CHEK1: variants seen among roughly 807,000 people sequenced by gnomAD.
The protein encoded by CHEK1 is checkpoint kinase 1.
A neutral mutation model predicts 60.2 loss-of-function variants in CHEK1; 32 were observed. That is an observed-to-expected ratio of 0.53 (90% CI 0.40 to 0.71). CHEK1 has a LOEUF of 0.71. Among genes scored for constraint, CHEK1 ranks in the 30% least tolerant of loss-of-function variants. The pLI is 0.00. For missense variants in CHEK1, 399 were observed against 564.6 expected, an observed-to-expected ratio of 0.71 and a Z score of 2.97; for synonymous variants, 179 against 187.2, an observed-to-expected ratio of 0.96 and a Z score of 0.36.
At chr11:125,640,154 G>A (rs1315192942) in intron 8 of CHEK1, among the ~76,000 whole-genome samples, 1 of 152,088 alleles carries the variant, frequency 6.6e-6, no homozygotes, top group Non-Finnish European at 1.5e-5. Flanking sequence ...GTGATTTTTG[G>A]AACGTGTTGC....
chr11:125,666,092 GTTGT>G (rs371046488), intron 13 of CHEK1, among the ~76,000 whole-genome samples: 17 of 149,374 alleles, frequency 1.1e-4, no homozygotes, highest in African/African-American at 3.9e-4. Flanking sequence ...GCATTTTTAG[GTTGT>G]TTATTTTTTT....
At chr11:125,626,687 G>A (rs1300072345) in intron 1 of CHEK1, 62 bp from the exon 2 acceptor site, 14 of 1,469,028 alleles carry the variant, frequency 9.5e-6, no homozygotes, top group African/African-American at 4.2e-5. Context: ...GAGAGGCGGG[G>A]CTCAGTGGCT....
intron 7 of CHEK1, chr11:125,636,025 G>A (rs1437292693): frequency 6.6e-6 from 1 of 152,126 alleles, no homozygotes; most frequent in African/African-American, 2.4e-5. Context: ...AGCACTGTAA[G>A]GAATTGTAAC....
At position 125,629,459 on chromosome 11, in the gene CHEK1, G is replaced by A. The variant is rs777701208; in HGVS notation, c.423G>A (p.Arg141=). 39 of 1,606,008 alleles carry A rather than the reference G, an allele frequency of 2.4e-5. No homozygotes were observed. The highest frequency in any genetic ancestry group is 3.2e-5 in the Non-Finnish European group (38 of 1,173,728). ...CAGAAAATCTTCTGTTGGATGAAAG[G>A]GGTAAGTTTAGCATTTTATCACTAC... ...IKPENLLLDE[R]DNLKISDFGL... is the part of the protein sequence containing the mutation. The change falls in exon 5 of 13, where the codon AGG becomes AGA. Residue 141 remains arginine (R), a splice_region_variant and synonymous_variant. Transcript: ENST00000438015.
In CHEK1 at chr11:125,626,821, G is replaced by A. The variant is rs1395953036; in HGVS notation, c.53G>A (p.Gly18Asp). The change falls in exon 2 of 13, where the codon GGT becomes GAT. Residue 18 changes from glycine (G) to aspartate (D), a missense_variant. Transcript: ENST00000438015. Reference protein sequence around the residue: ...DWDLVQTLGEGAYGEVQLAVN... With the variant: ...DWDLVQTLGEDAYGEVQLAVN... ...GACTTGGTGCAAACCCTGGGAGAAG[G>A]TGCCTATGGAGAGTGAGTTCTTTTA... 6.2e-7 allele frequency: 1 copy of A among 1,614,052 alleles called. No homozygotes were observed. Among genetic ancestry groups the A allele is most frequent in the African/African-American group, 1.3e-5 (1 of 74,908 alleles).
rs1321991357 is a variant in CHEK1 at position 125,656,922 on chromosome 11, C to G, written c.*1602C>G. The G allele has an allele frequency of 4.9e-6, 1 of 204,646 alleles. No individual in the cohort carries two copies. 12.7% of individuals were successfully genotyped at this position (204,646 alleles called of 1,614,324 possible). On this transcript the variant is annotated 3_prime_UTR_variant, in exon 13 of 13. Coordinates refer to ENST00000438015, the MANE Select transcript of CHEK1 (RefSeq NM_001114122.3). ...TAGCTCTGACATTTATTTATCTGAA[C>G]ACTGGTAATTGCCTCAGTAAAGACA...
rs1473470164 is a variant in CHEK1, at chr11:125,672,791, G to T, written c.*28-3137G>T. The T allele has an allele frequency of 3.2e-6, 5 of 1,573,596 alleles. No individual in the cohort carries two copies. The Admixed American group carries it at 7.0e-5, about 22-fold the overall frequency. The stretch of plus-strand genomic sequence containing the variant: ...CCTTAGCCTTTATCTGTGATGCTCA[G>T]TGTCTCCATGCAGGATGGTCAAGAC... On this transcript the variant is annotated intron_variant, in intron 13 of 13. Transcript: ENST00000428830.
At chr11:125,680,294 G>A (rs1220824447), downstream of CHEK1, among the ~76,000 whole-genome samples, 4 of 152,188 alleles carry the variant, frequency 2.6e-5, no homozygotes, top group Non-Finnish European at 4.4e-5. Flanking sequence ...GGCTTATGAA[G>A]TCTCTGGCCT....
intron 5 of CHEK1, among the ~76,000 whole-genome samples, chr11:125,630,746 T>C (rs543249276): frequency 1.3e-5 from 2 of 152,346 alleles, no homozygotes; most frequent in Admixed American, 6.5e-5. Flanking sequence ...TGTATTATAA[T>C]GAAATGTAAA....
chr11:125,648,302 G>C (rs1018730390), intron 11 of CHEK1, among the ~76,000 whole-genome samples: 2 of 151,922 alleles, frequency 1.3e-5, no homozygotes, highest in Non-Finnish European at 2.9e-5. Context: ...ACATTATTTG[G>C]CAGGGCGTGG....
At chr11:125,661,236 A>G (rs474804), downstream of CHEK1, among the ~76,000 whole-genome samples, 48,403 of 151,694 alleles carry the variant, frequency 0.32, 7,974 homozygotes, top group East Asian at 0.42. Flanking sequence ...ATTTATTTCT[A>G]TCATCTTACT....
intron 1 of CHEK1, chr11:125,626,403 CCT>C: frequency 2.3e-6 from 1 of 428,022 alleles, no homozygotes; most frequent in Non-Finnish European, 4.2e-6. Flanking sequence ...ATATCCTCTT[CCT>C]CTCTTCCCCA....
chr11:125,644,712 A>G, intron 11 of CHEK1, 69 bp downstream of exon 11: 1 of 1,528,862 alleles, frequency 6.5e-7, no homozygotes, highest in Non-Finnish European at 8.9e-7. Context: ...AAAAGCTATC[A>G]TTAGTATATT....
At chr11:125,650,473 T>TTTTTTG (rs1555073357) in intron 11 of CHEK1, among the ~76,000 whole-genome samples, 1 of 149,858 alleles carries the variant, frequency 6.7e-6, no homozygotes, top group Non-Finnish European at 1.5e-5. Flanking sequence ...TTTTTTTTTT[T>TTTTTTG]GAGACGGAGC....
chr11:125,669,940 G>A (rs1942172533), intron 13 of CHEK1, among the ~76,000 whole-genome samples: 2 of 152,120 alleles, frequency 1.3e-5, no homozygotes, highest in African/African-American at 4.8e-5. Context: ...TTATTTAAAT[G>A]TCTTTTTCTG....
intron 11 of CHEK1, among the ~76,000 whole-genome samples, chr11:125,651,060 C>T (rs756279145): frequency 5.3e-5 from 8 of 151,986 alleles, no homozygotes; most frequent in Non-Finnish European, 1.0e-4. Flanking sequence ...TTTTTAGATT[C>T]CCAGGTATAT....
downstream of CHEK1, among the ~76,000 whole-genome samples, chr11:125,659,867 C>T (rs1941980422): frequency 6.6e-6 from 1 of 152,150 alleles, no homozygotes; most frequent in Non-Finnish European, 1.5e-5. Context: ...AGTCACTCCC[C>T]ACTTTTTCTT....
chr11:125,675,144 G>A (rs1410735469), intron 13 of CHEK1, among the ~76,000 whole-genome samples: 1 of 152,170 alleles, frequency 6.6e-6, no homozygotes, highest in Non-Finnish European at 1.5e-5. Context: ...TGAACATTAG[G>A]ATTTTTTAAA....
At position 125,644,318 on chromosome 11, in the gene CHEK1, T is replaced by A. The variant is rs780282021; in HGVS notation, c.1101+50T>A. On this transcript the variant is annotated intron_variant, in intron 10 of 12. Transcript: ENST00000438015. ...GTAATGGCAGCTCTTTATTTTTTAT[T>A]GTCTTAAAGTCCTTTTTTAATGTGT... 1.2e-5 allele frequency: 19 copies of A among 1,537,650 alleles called. No individual in the cohort carries two copies. In the South Asian group the frequency reaches 2.4e-4, roughly 19 times the overall value.
Sources: gnomAD v4.1 joint callset for allele counts (sites outside exome capture counted in the v4.1 genomes callset) on GRCh38, gnomAD v4.1.1 for gene constraint, MANE v1.5 for transcripts, NCBI Gene and HGNC (gene_info 2026-07-23, HGNC 2026-07-21) for gene names.